EIF4ENIF1: variants seen among roughly 807,000 people sequenced by gnomAD.
The protein encoded by EIF4ENIF1 is eukaryotic translation initiation factor 4E transporter.
EIF4ENIF1 carries 23 observed loss-of-function variants against 110.5 expected under a neutral mutation model. That is an observed-to-expected ratio of 0.21 (90% CI 0.15 to 0.29). The LOEUF is 0.29. EIF4ENIF1 is among the 10% of genes least tolerant of loss of function. The pLI is 1.00. For synonymous variants in EIF4ENIF1, 440 were observed against 437.0 expected, an observed-to-expected ratio of 1.01 and a Z score of -0.09; for missense variants, 1,031 against 1,221.1, an observed-to-expected ratio of 0.84 and a Z score of 2.32.
chr22:31,480,892 G>A (rs896360645), intron 2 of EIF4ENIF1, among the ~76,000 whole-genome samples: 2 of 151,324 alleles, frequency 1.3e-5, no homozygotes, highest in Non-Finnish European at 2.9e-5. Context: ...TGGCGAAATC[G>A]TCTCTACTAA....
At chr22:31,455,749 G>T in intron 8 of EIF4ENIF1, 103 bp downstream of exon 8, 1 of 1,447,044 alleles carries the variant, frequency 6.9e-7, no homozygotes, top group Non-Finnish European at 9.5e-7. Context: ...GTTGTCCAGA[G>T]ACCCTTTGAC....
Position 31,481,677 on chromosome 22 carries a change from A to C in EIF4ENIF1, c.96+6946T>G, listed in dbSNP as rs900595583. ...TTCAAGTCTTCTGATTATATCCAAGAAGGCTAGGATGACTCAAGTCAGTCA... is the reference window on the plus strand; with the variant it reads ...TTCAAGTCTTCTGATTATATCCAAGCAGGCTAGGATGACTCAAGTCAGTCA... On this transcript the variant is annotated intron_variant, in intron 2 of 18. Coordinates refer to ENST00000330125, the MANE Select transcript of EIF4ENIF1 (RefSeq NM_019843.4). Among the ~76,000 whole-genome samples, 3 of 152,256 alleles carry C rather than the reference A, an allele frequency of 2.0e-5. 1 individual carries two copies. In the South Asian group the frequency reaches 6.2e-4, roughly 32 times the overall value.
chr22:31,454,509 AC>A, intron 9 of EIF4ENIF1, 133 bp from the exon 10 acceptor site: 1 of 735,600 alleles, frequency 1.4e-6, no homozygotes. Flanking sequence ...AAAGACTGAC[AC>A]CAAAAATAAA....
chr22:31,488,593 A>T (rs1312136581), intron 2 of EIF4ENIF1, 30 bp downstream of exon 2: 1 of 1,614,070 alleles, frequency 6.2e-7, no homozygotes, highest in Admixed American at 1.7e-5. Flanking sequence ...ACCTAAAAAG[A>T]AACACTATTT....
chr22:31,492,517 G>C (rs1260906823), upstream of EIF4ENIF1, among the ~76,000 whole-genome samples: 1 of 152,128 alleles, frequency 6.6e-6, no homozygotes, highest in East Asian at 1.9e-4. Context: ...ATGTCTTGTA[G>C]AACTTTGGCC....
At chr22:31,454,476 A>G (rs1478664909) in intron 9 of EIF4ENIF1, 100 bp from the exon 10 acceptor site, 8 of 1,009,298 alleles carry the variant, frequency 7.9e-6, no homozygotes, top group Non-Finnish European at 1.0e-5. Context: ...AATTTATTTC[A>G]AAATTGAGAT....
chr22:31,460,576 C>T (rs1287992878), intron 6 of EIF4ENIF1, among the ~76,000 whole-genome samples: 1 of 151,636 alleles, frequency 6.6e-6, no homozygotes, highest in Non-Finnish European at 1.5e-5. Context: ...TTGCAGTGAG[C>T]CAAGATCGCA....
intron 3 of EIF4ENIF1, among the ~76,000 whole-genome samples, chr22:31,470,229 G>A (rs1180773589): frequency 8.1e-6 from 1 of 124,112 alleles, no homozygotes; most frequent in South Asian, 2.9e-4. Context: ...CAAGTATCAA[G>A]TATCACCTTC....
At chr22:31,488,515 G>T in intron 2 of EIF4ENIF1, 108 bp downstream of exon 2, 1 of 1,471,162 alleles carries the variant, frequency 6.8e-7, no homozygotes, top group Non-Finnish European at 9.3e-7. Flanking sequence ...TTTAGTCCAT[G>T]TAGTGAGTCA....
chr22:31,441,935 G>A lies in EIF4ENIF1; in HGVS notation c.2390C>T (p.Ser797Phe), dbSNP rs2050313520. The change falls in exon 17 of 19, where the codon TCC becomes TTC. Residue 797 changes from serine to phenylalanine, a missense_variant. Coordinates refer to ENST00000330125, the MANE Select transcript of EIF4ENIF1 (RefSeq NM_019843.4). ...GAGAAAAGGTGTTGTAGGAACTGGG[G>A]ATGCCAAGGTGGGTGTTTTTCTCCC... ...ATGRKTPTLA[S>F]PVPTTPFLRP... The A allele has an allele frequency of 6.2e-7, 1 of 1,614,222 alleles. No homozygotes were observed. Among genetic ancestry groups the A allele is most frequent in the Non-Finnish European group, 8.5e-7 (1 of 1,180,040 alleles).
chr22:31,455,970 C>G lies in EIF4ENIF1; in HGVS notation c.981G>C (p.Leu327Phe). 6.2e-7 allele frequency: 1 copy of G among 1,613,930 alleles called. No homozygotes were observed. The part of the protein sequence containing the change: ...PCLASMIEDV[L>F]GEGSVSASRF... ...GACTGGCAGAGACTGACCCTTCTCC[C>G]AAAACATCTTCTATCATCTGAAGAA... The change falls in exon 8 of 19, where the codon TTG (leucine) becomes TTC (phenylalanine). Residue 327 changes from leucine to phenylalanine, a missense_variant. Physicochemically the swap from Leu to Phe is conservative, Grantham distance 22. Around this residue, in one of 3 missense-constraint regions of EIF4ENIF1, gnomAD observed 704 missense variants for 879.7 expected, o/e 0.80. Transcript: ENST00000330125.
chr22:31,466,183 T>C (rs1345960686), intron 4 of EIF4ENIF1, among the ~76,000 whole-genome samples: 7 of 151,808 alleles, frequency 4.6e-5, no homozygotes, highest in African/African-American at 1.5e-4. Context: ...GAGGCTGAGG[T>C]GGGTGGATCA....
At chr22:31,452,045 A>C (rs1157193257) in intron 10 of EIF4ENIF1, among the ~76,000 whole-genome samples, 1 of 152,234 alleles carries the variant, frequency 6.6e-6, no homozygotes, top group Non-Finnish European at 1.5e-5. Flanking sequence ...ATTTACTTCC[A>C]TCTAATAAAA....
At chr22:31,454,664 G>C (rs1459429619) in intron 9 of EIF4ENIF1, among the ~76,000 whole-genome samples, 1 of 152,126 alleles carries the variant, frequency 6.6e-6, no homozygotes, top group Non-Finnish European at 1.5e-5. Context: ...TCCTGCAGAA[G>C]GATATGAGTC....
At position 31,440,094 on chromosome 22, in the gene EIF4ENIF1, T is replaced by C. The variant is rs1050172319; in HGVS notation, c.2744A>G (p.His915Arg). 8.7e-6 allele frequency: 14 copies of C among 1,613,978 alleles called. No individual in the cohort carries two copies. The highest frequency in any genetic ancestry group is 1.7e-5 in the Admixed American group (1 of 60,004). The part of the protein sequence containing the change: ...SVLHPPGSGS[H>R]AAAVSVQTTP... ...TGTCTGAACGCTGACAGCTGCTGCA[T>C]GGGAACCAGAGCCTGGAGGATGCAG... Residue 915 changes from histidine to arginine, a missense_variant, in exon 19 of 19, where the codon CAT (histidine) becomes CGT (arginine). Physicochemically the swap from His to Arg is conservative, Grantham distance 29. Transcript: ENST00000330125.
At chr22:31,461,313 T>TAAAAAATGATTGGGTGCCCC (rs1170422060) in intron 6 of EIF4ENIF1, among the ~76,000 whole-genome samples, 3 of 152,154 alleles carry the variant, frequency 2.0e-5, no homozygotes, top group Non-Finnish European at 2.9e-5. Flanking sequence ...GTCACTGCCC[T>TAAAAAATGATTGGGTGCCCC]AAAAAATGAT....
At chr22:31,456,649 G>A (rs5749277) in intron 7 of EIF4ENIF1, among the ~76,000 whole-genome samples, 140,326 of 152,212 alleles carry the variant, frequency 0.92, 64,746 homozygotes, top group East Asian at 0.99. Flanking sequence ...CGAGTAGCTG[G>A]GACTACAGGC....
upstream of EIF4ENIF1, among the ~76,000 whole-genome samples, chr22:31,491,683 G>A (rs1047278403): frequency 2.0e-5 from 3 of 152,138 alleles, no homozygotes; most frequent in Non-Finnish European, 2.9e-5. Context: ...TGGGACTACA[G>A]GCTCCTGCCA....
At chr22:31,439,203 G>A (rs1279500622), downstream of EIF4ENIF1, among the ~76,000 whole-genome samples, 1 of 152,130 alleles carries the variant, frequency 6.6e-6, no homozygotes, top group Non-Finnish European at 1.5e-5. Context: ...CCATCTACTT[G>A]GGAGGCTGAG....
Sources: allele counts gnomAD v4.1 joint callset (sites outside exome capture counted in the v4.1 genomes callset), GRCh38; gene constraint gnomAD v4.1.1; regional missense constraint gnomAD v4.1.1; transcripts MANE v1.5; gene names NCBI Gene and HGNC (gene_info 2026-07-23, HGNC 2026-07-21).